CALD1: variants seen among roughly 807,000 people sequenced by gnomAD.
CALD1 encodes the protein caldesmon 1.
In CALD1, 33 loss-of-function variants were observed where a neutral mutation model predicts 99.9. The ratio of observed to expected loss-of-function variants is 0.33; its 90% CI spans 0.25 to 0.44. The LOEUF (loss-of-function observed/expected upper bound fraction) is 0.44. CALD1 is among the 20% of genes least tolerant of loss of function. The probability of loss-of-function intolerance (pLI) is 1.00; values close to 1 mark genes in which losing one functional copy is unlikely to be tolerated. For missense variants in CALD1, 861 were observed against 962.1 expected (o/e 0.89, Z 1.39); for synonymous variants, 310 against 325.0 (o/e 0.95, Z 0.50).
At chr7:134,809,948 G>GT (rs559760337) in intron 1 of CALD1, among the ~76,000 whole-genome samples, 110 of 152,220 alleles carry the variant, frequency 7.2e-4, no homozygotes, top group African/African-American at 2.4e-3. Flanking sequence ...GAGTTTAAGG[G>GT]TTTTTCCCCC....
intron 9 of CALD1, among the ~76,000 whole-genome samples, chr7:134,957,651 C>T (rs2133221708): frequency 6.6e-6 from 1 of 152,288 alleles, no homozygotes; most frequent in East Asian, 1.9e-4. Flanking sequence ...GAACTCCTGA[C>T]CTCAAGTGAT....
intron 3 of CALD1, among the ~76,000 whole-genome samples, chr7:134,896,670 G>C (rs954038128): frequency 6.6e-6 from 1 of 152,202 alleles, no homozygotes; most frequent in Admixed American, 6.5e-5. Flanking sequence ...TTGCATTGCT[G>C]TCTGCGTTTT....
the CALD1 span, among the ~76,000 whole-genome samples, chr7:134,711,680 ATGTGTGTGTGTGTGTGTGTG>A: frequency 1.6e-4 from 17 of 109,584 alleles, no homozygotes; most frequent in East Asian, 1.3e-3. Flanking sequence ...ATATATATAT[ATGTGTGTGTGTGTGTGTGTG>A]TGTGTGTGTG....
In CALD1 at chr7:134,791,038, C is replaced by G. The variant is rs75721565; in HGVS notation, c.-130+11289C>G. Among the ~76,000 whole-genome samples the G allele has an allele frequency of 2.1e-3, 263 of 122,682 alleles. 5 individuals are homozygous for G. The East Asian group carries it at 0.057, about 27-fold the overall frequency. The allele number at this position is 122,682 out of a possible 152,430, so 80.5% of individuals were successfully genotyped here. On this transcript the variant is annotated intron_variant, in intron 1 of 14. Transcript: ENST00000361675. ...TTGATTTACAAAAGAAATTAGTGTC[C>G]ACTCACCTTCCCAGGTGAGATACTA... is the stretch of plus-strand genomic sequence containing the variant.
chr7:134,719,651 T>C, the CALD1 span, among the ~76,000 whole-genome samples: 1 of 152,158 alleles, frequency 6.6e-6, no homozygotes, highest in Non-Finnish European at 1.5e-5. Context: ...GCTGGGCCCA[T>C]CAATGGCCAT....
At chr7:134,739,503 C>T (rs998847547), upstream of CALD1, among the ~76,000 whole-genome samples, 1 of 152,132 alleles carries the variant, frequency 6.6e-6, no homozygotes, top group Non-Finnish European at 1.5e-5. Flanking sequence ...TTTTGCTGGG[C>T]ATATACATGA....
intron 1 of CALD1, among the ~76,000 whole-genome samples, chr7:134,803,852 C>T (rs1161104974): frequency 1.3e-5 from 2 of 152,064 alleles, no homozygotes; most frequent in Non-Finnish European, 2.9e-5. Context: ...CAGGCCACCA[C>T]ACCTGGCTAA....
At chr7:134,930,653 G>A (rs915551029) in intron 4 of CALD1, among the ~76,000 whole-genome samples, 1 of 151,994 alleles carries the variant, frequency 6.6e-6, no homozygotes, top group African/African-American at 2.4e-5. Context: ...TAATTTCTAG[G>A]GTTCACTAAT....
Position 134,801,526 on chromosome 7 carries a change from T to C in CALD1, c.-130+21777T>C, listed in dbSNP as rs184655980. On this transcript the variant is annotated intron_variant, in intron 1 of 14. Transcript: ENST00000361675. Reference sequence around the variant, plus strand: ...TTTGTAAAAATACACTTTTTGCTTTTACTTTTAATTTAGACCTCACTCTTG... The same window carrying C: ...TTTGTAAAAATACACTTTTTGCTTTCACTTTTAATTTAGACCTCACTCTTG... Among the ~76,000 whole-genome samples, 200 of 152,362 alleles carry C rather than the reference T, an allele frequency of 1.3e-3. 1 individual carries two copies. The highest frequency in any genetic ancestry group is 4.6e-3 in the African/African-American group (192 of 41,586).
rs1233453593 is a variant in CALD1, at chr7:134,929,283, G to A, written c.218+383G>A. On this transcript the variant is annotated intron_variant, in intron 4 of 14. Coordinates refer to ENST00000361675, the MANE Select transcript of CALD1 (RefSeq NM_033138.4). ...TCAATAGTTTTGGGGGAACAGGTGG[G>A]GTTTTGGTTACACAGATAAGTTCTT... Among the ~76,000 whole-genome samples the A allele has an allele frequency of 4.0e-5, 6 of 151,708 alleles. No homozygotes were observed. In the East Asian group the frequency reaches 1.2e-3, roughly 30 times the overall value.
chr7:134,734,691 T>C, the CALD1 span, among the ~76,000 whole-genome samples: 3 of 152,304 alleles, frequency 2.0e-5, no homozygotes, highest in Admixed American at 2.0e-4. Flanking sequence ...GTTTTATAAA[T>C]GGGAGCTCCC....
chr7:134,960,703 C>T (rs913154574), intron 13 of CALD1, 75 bp downstream of exon 13: 15 of 909,448 alleles, frequency 1.6e-5, no homozygotes, highest in Non-Finnish European at 2.7e-5. Flanking sequence ...AGCAGTTGGT[C>T]TGTTTACCTA....
chr7:134,965,405 T>A lies in CALD1; in HGVS notation c.2376+19T>A. 2 of 1,225,200 alleles carry A rather than the reference T, an allele frequency of 1.6e-6. No homozygotes were observed. Among genetic ancestry groups the A allele is most frequent in the Non-Finnish European group, 2.4e-6 (2 of 824,960 alleles). The allele number at this position is 1,225,200 out of a possible 1,614,324, so 75.9% of individuals were successfully genotyped here. On this transcript the variant is annotated intron_variant, in intron 14 of 14. Transcript: ENST00000361675. ...CACTAAGGTAATCTATTGGGAAGAC[T>A]AGTATTTCAGAGGTTTGTTTTCCTG...
intron 9 of CALD1, among the ~76,000 whole-genome samples, chr7:134,955,000 AT>A (rs1273895688): frequency 2.6e-5 from 4 of 151,996 alleles, no homozygotes; most frequent in Non-Finnish European, 5.9e-5. Context: ...TACACACAGC[AT>A]TTTTTTCTTT....
At chr7:134,890,954 G>A (rs1490611907) in intron 3 of CALD1, among the ~76,000 whole-genome samples, 1 of 152,150 alleles carries the variant, frequency 6.6e-6, no homozygotes, top group Non-Finnish European at 1.5e-5. Context: ...GGGATAAGAG[G>A]AGTTTCTCAG....
chr7:134,733,321 C>A, the CALD1 span, among the ~76,000 whole-genome samples: 2 of 152,214 alleles, frequency 1.3e-5, no homozygotes, highest in South Asian at 4.1e-4. Context: ...GGGTAACTCA[C>A]TTCTCTATGG....
intron 5 of CALD1, among the ~76,000 whole-genome samples, chr7:134,934,946 A>G (rs1222319625): frequency 1.3e-5 from 2 of 151,986 alleles, no homozygotes; most frequent in African/African-American, 2.4e-5. Flanking sequence ...GGTAATAAAG[A>G]GGGGGAAAGG....
intron 1 of CALD1, among the ~76,000 whole-genome samples, chr7:134,837,350 T>TAC (rs750866799): frequency 0.25 from 38,006 of 151,632 alleles, 5,187 homozygotes; most frequent in South Asian, 0.39. Flanking sequence ...TCTCCTTTTT[T>TAC]TTTTTTTCCT....
At chr7:134,822,471 T>C (rs778807592) in intron 1 of CALD1, among the ~76,000 whole-genome samples, 14 of 152,228 alleles carry the variant, frequency 9.2e-5, no homozygotes, top group Non-Finnish European at 1.9e-4. Flanking sequence ...TTTGTATCTA[T>C]CTACAAATTT....
Sources: gnomAD v4.1 joint callset for allele counts (sites outside exome capture counted in the v4.1 genomes callset) on GRCh38, gnomAD v4.1.1 for gene constraint, MANE v1.5 for transcripts, NCBI Gene and HGNC (gene_info 2026-07-23, HGNC 2026-07-21) for gene names.